The following LGSN variants were observed in gnomAD, a reference collection of about 807,000 sequenced individuals.
LGSN encodes the protein lengsin, lens protein with glutamine synthetase domain, also known as lengsin.
Under a neutral mutation model 19.5 loss-of-function variants are expected in LGSN, and 21 were observed. The ratio of observed to expected loss-of-function variants is 1.07; its 90% CI spans 0.76 to 1.55. LGSN has a LOEUF of 1.55. Among genes scored for constraint, LGSN ranks in the 40% most tolerant of loss-of-function variants. LGSN has a pLI of 0.00. For synonymous variants in LGSN, 257 were observed against 215.6 expected (o/e 1.19, Z -1.68); for missense variants, 673 against 608.5 (o/e 1.11, Z -1.12).
chr6:63,466,835 G>A, the LGSN span, among the ~76,000 whole-genome samples: 1 of 152,046 alleles, frequency 6.6e-6, no homozygotes, highest in African/African-American at 2.4e-5. Context: ...AGTATGAGAT[G>A]TCTATTAGAC....
chr6:63,294,806 C>T, intron 2 of LGSN, 107 bp downstream of exon 2: 1 of 1,102,576 alleles, frequency 9.1e-7, no homozygotes, highest in Non-Finnish European at 1.4e-6. Flanking sequence ...TTTTATTTGT[C>T]CTTTTGCTTC....
At chr6:63,423,065 A>G in the LGSN span, among the ~76,000 whole-genome samples, 2 of 152,184 alleles carry the variant, frequency 1.3e-5, no homozygotes, top group African/African-American at 4.8e-5. Flanking sequence ...AGTAGGCTTC[A>G]ATCAGGTACA....
chr6:63,453,371 T>C, the LGSN span, among the ~76,000 whole-genome samples: 1 of 152,134 alleles, frequency 6.6e-6, no homozygotes, highest in East Asian at 1.9e-4. Context: ...AAAAAAAGAG[T>C]TGATATATAC....
At chr6:63,470,933 C>CTTTT in the LGSN span, among the ~76,000 whole-genome samples, 749 of 72,786 alleles carry the variant, frequency 0.01, no homozygotes, top group African/African-American at 0.012. Context: ...TTCAGTCTTT[C>CTTTT]TTTTTTTTTT....
the LGSN span, among the ~76,000 whole-genome samples, chr6:63,442,224 C>A: frequency 6.6e-6 from 1 of 152,182 alleles, no homozygotes; most frequent in East Asian, 1.9e-4. Flanking sequence ...AGATGCAGAC[C>A]TTCACGGTGA....
chr6:63,477,110 A>T, the LGSN span, among the ~76,000 whole-genome samples: 7 of 152,346 alleles, frequency 4.6e-5, no homozygotes, highest in East Asian at 1.3e-3. Context: ...AGCATTTCTC[A>T]TCACAGTTTG....
chr6:63,331,044 C>G, the LGSN span, among the ~76,000 whole-genome samples: 2 of 152,152 alleles, frequency 1.3e-5, no homozygotes, highest in Admixed American at 1.3e-4. Context: ...TTCCCCTCCC[C>G]CTACAGCTTA....
chr6:63,554,844 T>C, the LGSN span, among the ~76,000 whole-genome samples: 3 of 152,180 alleles, frequency 2.0e-5, no homozygotes, highest in Admixed American at 1.3e-4. Flanking sequence ...GGGTCACTTT[T>C]GGGGACAATC....
At chr6:63,446,387 G>A in the LGSN span, among the ~76,000 whole-genome samples, 1 of 151,702 alleles carries the variant, frequency 6.6e-6, no homozygotes, top group Non-Finnish European at 1.5e-5. Flanking sequence ...CCCACCCCCA[G>A]AGCTTAATCT....
At chr6:63,293,023 G>T (rs968705690) in intron 2 of LGSN, among the ~76,000 whole-genome samples, 1 of 152,028 alleles carries the variant, frequency 6.6e-6, no homozygotes, top group African/African-American at 2.4e-5. Context: ...AGTGGGGTAG[G>T]GGGGTAAGGT....
chr6:63,372,153 A>G, the LGSN span, among the ~76,000 whole-genome samples: 11 of 152,218 alleles, frequency 7.2e-5, no homozygotes, highest in Admixed American at 7.2e-4. Context: ...CAAAAGAAAT[A>G]CAGTGAATAA....
At chr6:63,477,797 G>T in the LGSN span, among the ~76,000 whole-genome samples, 1 of 134,922 alleles carries the variant, frequency 7.4e-6, no homozygotes, top group East Asian at 2.5e-4. Flanking sequence ...GCCTTTCAAA[G>T]TGCTGGGATT....
At chr6:63,402,995 A>T in the LGSN span, among the ~76,000 whole-genome samples, 1 of 152,058 alleles carries the variant, frequency 6.6e-6, no homozygotes, top group East Asian at 1.9e-4. Flanking sequence ...CAGCCTGCCA[A>T]CCTACCCTGT....
the LGSN span, among the ~76,000 whole-genome samples, chr6:63,545,928 C>T: frequency 6.6e-6 from 1 of 152,106 alleles, no homozygotes; most frequent in African/African-American, 2.4e-5. Context: ...TATATTTACT[C>T]ATTTGCTTAA....
the LGSN span, among the ~76,000 whole-genome samples, chr6:63,440,279 G>T: frequency 6.6e-6 from 1 of 152,184 alleles, no homozygotes; most frequent in South Asian, 2.1e-4. Context: ...CTGGGAGGAC[G>T]GGGTGGAGCC....
chr6:63,432,923 G>A, the LGSN span, among the ~76,000 whole-genome samples: 8 of 152,070 alleles, frequency 5.3e-5, no homozygotes, highest in Non-Finnish European at 1.0e-4. Flanking sequence ...TCTTCCCTTG[G>A]AGACAGGTAC....
At chr6:63,441,319 GT>G in the LGSN span, 1 of 468,108 alleles carries the variant, frequency 2.1e-6, no homozygotes, top group Non-Finnish European at 4.3e-6. Flanking sequence ...GACTTGGGCC[GT>G]TTGGTCAACC....
the LGSN span, among the ~76,000 whole-genome samples, chr6:63,418,342 C>T: frequency 3.9e-5 from 6 of 152,096 alleles, no homozygotes; most frequent in African/African-American, 7.2e-5. Context: ...GTGGGTGGAT[C>T]GCAAGGTCAA....
the LGSN span, among the ~76,000 whole-genome samples, chr6:63,515,212 AGTTTTTTT>A: frequency 8.7e-6 from 1 of 114,292 alleles, no homozygotes; most frequent in African/African-American, 4.5e-5. Context: ...CTTTCTAAAA[AGTTTTTTT>A]GTTTGTTTGT....
Sources: allele counts gnomAD v4.1 joint callset (sites outside exome capture counted in the v4.1 genomes callset), GRCh38; gene constraint gnomAD v4.1.1; transcripts MANE v1.5; gene names NCBI Gene and HGNC (gene_info 2026-07-23, HGNC 2026-07-21).